The following LRFN2 variants were observed in gnomAD, a reference collection of about 807,000 sequenced individuals.
LRFN2 encodes leucine-rich repeat and fibronectin type-III domain-containing protein 2.
LRFN2 carries 18 observed loss-of-function variants against 37.3 expected under a neutral mutation model. The ratio of observed to expected loss-of-function variants is 0.48; its 90% confidence interval spans 0.33 to 0.72. The LOEUF (loss-of-function observed/expected upper bound fraction) is 0.72, where lower values mean the gene tolerates loss of function less well. Among genes scored for constraint, LRFN2 ranks in the 30% least tolerant of loss-of-function variants. The probability of loss-of-function intolerance (pLI) is 0.02; values close to 1 mark genes in which losing one functional copy is unlikely to be tolerated. For synonymous variants in LRFN2, 556 were observed against 466.6 expected, an observed-to-expected ratio of 1.19 and a Z score of -2.47; for missense variants, 1,006 against 1,060.7, an observed-to-expected ratio of 0.95 and a Z score of 0.72.
intron 2 of LRFN2, among the ~76,000 whole-genome samples, chr6:40,424,306 A>G (rs1255981647): frequency 6.6e-6 from 1 of 152,144 alleles, no homozygotes; most frequent in Non-Finnish European, 1.5e-5. Context: ...AGGCTACTCC[A>G]TACTTCCCCA....
intron 2 of LRFN2, among the ~76,000 whole-genome samples, chr6:40,420,235 C>A (rs79440993): frequency 3.3e-5 from 5 of 152,180 alleles, no homozygotes; most frequent in Non-Finnish European, 7.4e-5. Flanking sequence ...TGGCCCATCG[C>A]GTCCTGTGGT....
At chr6:40,425,993 G>A (rs1442461402) in intron 2 of LRFN2, among the ~76,000 whole-genome samples, 3 of 152,106 alleles carry the variant, frequency 2.0e-5, no homozygotes, top group Admixed American at 1.3e-4. Flanking sequence ...GTGAAACCTC[G>A]AGGTGGGTCA....
rs58462773 is a variant in LRFN2, at chr6:40,533,374, AACACAC to A, written c.-19+53561_-19+53566del. On this transcript the variant is annotated intron_variant, in intron 1 of 2. Transcript: ENST00000338305. The stretch of plus-strand genomic sequence containing the variant: ...TCTACTTTACTCCTCTCTTGCTCAA[AACACAC>A]ACACACACACACACACACACACACA... 4.4e-3 allele frequency among the ~76,000 whole-genome samples: 626 copies of A among 143,046 alleles called. 1 individual carries two copies. The highest frequency in any genetic ancestry group is 5.6e-3 in the Admixed American group (80 of 14,276). The allele number at this position is 143,046 out of a possible 152,430, so 93.8% of individuals were successfully genotyped here.
At chr6:40,564,926 C>T (rs1191717021) in intron 1 of LRFN2, among the ~76,000 whole-genome samples, 3 of 152,184 alleles carry the variant, frequency 2.0e-5, no homozygotes, top group Non-Finnish European at 4.4e-5. Flanking sequence ...AAAGCAGCCC[C>T]TCCACCTGTG....
At chr6:40,451,515 TC>T (rs1295447317) in intron 1 of LRFN2, among the ~76,000 whole-genome samples, 2 of 152,188 alleles carry the variant, frequency 1.3e-5, no homozygotes, top group Non-Finnish European at 2.9e-5. Context: ...GGAAGCAGCA[TC>T]TTCTGCTTAC....
At chr6:40,580,173 C>G (rs1767371258) in intron 1 of LRFN2, among the ~76,000 whole-genome samples, 1 of 152,192 alleles carries the variant, frequency 6.6e-6, no homozygotes, top group Non-Finnish European at 1.5e-5. Flanking sequence ...AGGCAGTCCA[C>G]CCTTCTCCCA....
intron 1 of LRFN2, among the ~76,000 whole-genome samples, chr6:40,495,212 A>T (rs116482572): frequency 3.9e-5 from 6 of 152,356 alleles, no homozygotes; most frequent in Non-Finnish European, 7.3e-5. Context: ...CAGCTTTGAT[A>T]CACACTTCAC....
At chr6:40,473,414 A>G (rs1041571722) in intron 1 of LRFN2, among the ~76,000 whole-genome samples, 2 of 152,160 alleles carry the variant, frequency 1.3e-5, no homozygotes, top group African/African-American at 4.8e-5. Context: ...TGGGGATGTG[A>G]CATAGCCCCC....
At chr6:40,462,880 G>A (rs1196815585) in intron 1 of LRFN2, among the ~76,000 whole-genome samples, 1 of 152,154 alleles carries the variant, frequency 6.6e-6, no homozygotes, top group Non-Finnish European at 1.5e-5. Context: ...ATAGAATTGT[G>A]GTTGGGGAGA....
intron 1 of LRFN2, among the ~76,000 whole-genome samples, chr6:40,465,983 C>T (rs1277722118): frequency 6.6e-6 from 1 of 152,170 alleles, no homozygotes; most frequent in East Asian, 1.9e-4. Context: ...AGGCAATCCT[C>T]TTAAGGCCCT....
At chr6:40,584,756 T>C (rs1161326979) in intron 1 of LRFN2, among the ~76,000 whole-genome samples, 1 of 151,720 alleles carries the variant, frequency 6.6e-6, no homozygotes, top group African/African-American at 2.4e-5. Context: ...GAGCAGAACC[T>C]GCTCAACCCC....
chr6:40,432,007 C>T lies in LRFN2; in HGVS notation c.1107G>A (p.Thr369=), dbSNP rs768787058. 1.9e-5 allele frequency: 31 copies of T among 1,613,594 alleles called. No homozygotes were observed. In the Admixed American group the frequency reaches 3.3e-4, roughly 17 times the overall value. The change falls in exon 2 of 3, where the codon ACG becomes ACA. Residue 369 remains threonine (T), a synonymous_variant. Transcript: ENST00000338305. ...GGACGATGGAGACCTCCACCATGGC[C>T]GTGGCCTCTCCGGCAGCATTGGCAG... is the stretch of plus-strand genomic sequence containing the variant. The part of the protein sequence containing the change: ...CIAANAAGEA[T]AMVEVSIVQL...
At chr6:40,434,483 T>C (rs969471350) in intron 1 of LRFN2, among the ~76,000 whole-genome samples, 1 of 143,364 alleles carries the variant, frequency 7.0e-6, no homozygotes, top group Admixed American at 7.0e-5. Context: ...TTTTTTTTTC[T>C]TTTTTTTTTT....
chr6:40,438,963 G>C (rs1359068917), intron 1 of LRFN2, among the ~76,000 whole-genome samples: 1 of 152,330 alleles, frequency 6.6e-6, no homozygotes. Context: ...GATGAGGACA[G>C]AGAGTGGAAA....
intron 1 of LRFN2, among the ~76,000 whole-genome samples, chr6:40,551,645 A>G (rs1581791180): frequency 6.6e-6 from 1 of 152,236 alleles, no homozygotes; most frequent in South Asian, 2.1e-4. Flanking sequence ...TGAATACACA[A>G]AGGTGAACAC....
At chr6:40,414,545 A>G (rs1444450488) in intron 2 of LRFN2, among the ~76,000 whole-genome samples, 1 of 152,252 alleles carries the variant, frequency 6.6e-6, no homozygotes, top group Non-Finnish European at 1.5e-5. Context: ...TTATTGGAGG[A>G]GAAACCGCCT....
rs755381096 is a variant in LRFN2, at chr6:40,392,545, C to A, written c.1768G>T (p.Ala590Ser). ...CCCTGCGGCGGGGCCCCGGCTGGTG[C>A]GCTGCTTGGAGGCGGTGGCTGGGCG... ...NGAQPPPPSS[A>S]PAGAPPQGPP... is the part of the protein sequence containing the mutation. The change falls in exon 3 of 3, where the codon GCA becomes TCA. Residue 590 changes from alanine (A) to serine (S), a missense_variant. By Grantham distance (99) the Ala-to-Ser change is moderately conservative. Around this residue, in one of 4 missense-constraint regions of LRFN2, gnomAD observed 398 missense variants for 327.6 expected, o/e 1.21. Transcript: ENST00000338305. This position sits in a 1 kb window ranked among gnomAD's most constrained non-coding sequence, Gnocchi z 4.7. 6.3e-7 allele frequency: 1 copy of A among 1,582,850 alleles called. No individual in the cohort carries two copies. Among genetic ancestry groups the A allele is most frequent in the East Asian group, 2.3e-5 (1 of 42,934 alleles).
intron 2 of LRFN2, among the ~76,000 whole-genome samples, chr6:40,396,678 C>A (rs1241521858): frequency 3.5e-5 from 5 of 144,520 alleles, no homozygotes; most frequent in Admixed American, 6.9e-5. Context: ...GCTCCTGATT[C>A]CTCTGCTCTG....
At chr6:40,440,128 A>G (rs528164698) in intron 1 of LRFN2, among the ~76,000 whole-genome samples, 12 of 148,914 alleles carry the variant, frequency 8.1e-5, no homozygotes, top group South Asian at 6.3e-4. Context: ...CACAGACAAC[A>G]GGAAAAAAAA....
Sources: gnomAD v4.1 joint callset for allele counts (sites outside exome capture counted in the v4.1 genomes callset) on GRCh38, gnomAD v4.1.1 for gene constraint, gnomAD v4.1.1 regional missense constraint, Gnocchi (gnomAD v3.1) non-coding constraint, MANE v1.5 for transcripts, NCBI Gene and HGNC (gene_info 2026-07-23, HGNC 2026-07-21) for gene names.